Variants in GRM1 observed in about 807,000 individuals in gnomAD.
The protein encoded by GRM1 is glutamate metabotropic receptor 1, also known as metabotropic glutamate receptor 1.
GRM1 carries 33 observed loss-of-function variants against 90.9 expected under a neutral mutation model. That is an observed-to-expected ratio of 0.36 (90% CI 0.28 to 0.49). GRM1 has a LOEUF of 0.49. GRM1 is among the 20% of genes least tolerant of loss of function. GRM1 has a pLI of 0.99. For synonymous variants in GRM1, 700 were observed against 613.2 expected (o/e 1.14, Z -2.09); for missense variants, 1,190 against 1,534.3 (o/e 0.78, Z 3.75).
intron 2 of GRM1, among the ~76,000 whole-genome samples, chr6:146,172,466 A>T (rs1399277946): frequency 6.6e-6 from 1 of 152,210 alleles, no homozygotes; most frequent in African/African-American, 2.4e-5. Context: ...CAGAGATTTG[A>T]GCATGGACAT....
At chr6:146,422,481 C>A (rs113699077) in intron 7 of GRM1, among the ~76,000 whole-genome samples, 57 of 152,218 alleles carry the variant, frequency 3.7e-4, no homozygotes, top group African/African-American at 1.4e-3. Context: ...GTATTAATAG[C>A]AATGGCTTAT....
chr6:146,149,999 C>T (rs373310583), intron 1 of GRM1, among the ~76,000 whole-genome samples: 1 of 152,146 alleles, frequency 6.6e-6, no homozygotes, highest in African/African-American at 2.4e-5. Context: ...TGACCAGACC[C>T]ATCATGCTGA....
intron 3 of GRM1, among the ~76,000 whole-genome samples, chr6:146,313,503 G>A (rs1399959985): frequency 2.6e-5 from 4 of 152,022 alleles, no homozygotes; most frequent in Non-Finnish European, 4.4e-5. Context: ...TTCCCATGTC[G>A]TCTAAAAGTG....
chr6:146,117,302 T>C (rs1775788582), intron 1 of GRM1, among the ~76,000 whole-genome samples: 1 of 151,866 alleles, frequency 6.6e-6, no homozygotes, highest in South Asian at 2.1e-4. Flanking sequence ...TAATTCTTTT[T>C]GCTCTAAACA....
intron 2 of GRM1, among the ~76,000 whole-genome samples, chr6:146,228,784 T>C (rs1214493691): frequency 2.6e-5 from 4 of 152,192 alleles, no homozygotes; most frequent in Admixed American, 6.5e-5. Context: ...GAACTATTGA[T>C]TCCTGTAGCT....
intron 7 of GRM1, among the ~76,000 whole-genome samples, chr6:146,401,006 G>C (rs539907354): frequency 6.6e-6 from 1 of 151,790 alleles, no homozygotes; most frequent in South Asian, 2.1e-4. Context: ...TCTTTATTTA[G>C]ATCTTAAATG....
intron 7 of GRM1, among the ~76,000 whole-genome samples, chr6:146,428,871 A>G (rs897019290): frequency 6.6e-6 from 1 of 152,184 alleles, no homozygotes; most frequent in African/African-American, 2.4e-5. Context: ...AAATTGGGTA[A>G]TGTTCTCAGG....
intron 2 of GRM1, among the ~76,000 whole-genome samples, chr6:146,242,202 G>A (rs1484190159): frequency 6.6e-6 from 1 of 152,104 alleles, no homozygotes; most frequent in African/African-American, 2.4e-5. Flanking sequence ...TGACTACCAT[G>A]TGTCTAGAGC....
intron 2 of GRM1, among the ~76,000 whole-genome samples, chr6:146,196,770 A>C (rs1779138373): frequency 6.6e-6 from 1 of 152,176 alleles, no homozygotes; most frequent in Non-Finnish European, 1.5e-5. Flanking sequence ...CAGGTGAATC[A>C]GATGCACAGG....
chr6:146,028,624 A>T (rs1234323694), upstream of GRM1, among the ~76,000 whole-genome samples: 1 of 152,158 alleles, frequency 6.6e-6, no homozygotes, highest in Non-Finnish European at 1.5e-5. Context: ...AAACTCCTCC[A>T]TACGGAGACT....
chr6:146,037,119 C>T (rs892274478), intron 1 of GRM1, among the ~76,000 whole-genome samples: 6 of 151,900 alleles, frequency 3.9e-5, no homozygotes, highest in Admixed American at 2.6e-4. Context: ...ATATTCCTCA[C>T]AGCAGCTTTT....
At chr6:146,331,754 C>T (rs978822973) in intron 3 of GRM1, among the ~76,000 whole-genome samples, 1 of 151,988 alleles carries the variant, frequency 6.6e-6, no homozygotes, top group Admixed American at 6.6e-5. Context: ...CTAGTTTGTC[C>T]TGTTTTCCTT....
chr6:146,108,167 A>G (rs1041271736), intron 1 of GRM1, among the ~76,000 whole-genome samples: 2 of 152,222 alleles, frequency 1.3e-5, no homozygotes, highest in African/African-American at 2.4e-5. Context: ...CCTAGCTGAT[A>G]AATAGATATG....
At chr6:146,173,023 G>T (rs1778195019) in intron 2 of GRM1, among the ~76,000 whole-genome samples, 2 of 152,128 alleles carry the variant, frequency 1.3e-5, no homozygotes, top group African/African-American at 4.8e-5. Flanking sequence ...CTGGGTAAAA[G>T]TCTGGATGGA....
chr6:146,381,094 G>A (rs1418154068), intron 5 of GRM1, among the ~76,000 whole-genome samples: 3 of 152,164 alleles, frequency 2.0e-5, no homozygotes, highest in Non-Finnish European at 4.4e-5. Context: ...GGTTAGGGGA[G>A]GTGTGATGCC....
chr6:146,410,672 CAAG>C (rs140960707), intron 7 of GRM1, among the ~76,000 whole-genome samples: 1,935 of 151,964 alleles, frequency 0.013, 45 homozygotes, highest in African/African-American at 0.045. Context: ...TTAGCTAGAC[CAAG>C]AAGGAGATTA....
intron 2 of GRM1, among the ~76,000 whole-genome samples, chr6:146,181,341 A>T (rs1207463808): frequency 6.6e-6 from 1 of 152,188 alleles, no homozygotes; most frequent in Admixed American, 6.5e-5. Context: ...AGTCTTTGTG[A>T]TAACTTCAGT....
At chr6:146,325,345 T>C (rs980105365) in intron 3 of GRM1, among the ~76,000 whole-genome samples, 2 of 152,206 alleles carry the variant, frequency 1.3e-5, no homozygotes, top group East Asian at 3.9e-4. Flanking sequence ...GATGAGCAGT[T>C]GTAGAATTTC....
intron 7 of GRM1, among the ~76,000 whole-genome samples, chr6:146,416,342 T>C (rs1777782703): frequency 6.6e-6 from 1 of 152,128 alleles, no homozygotes; most frequent in Non-Finnish European, 1.5e-5. Flanking sequence ...TCACTAGTAT[T>C]TTAATATTCA....
Sources: gnomAD v4.1 joint callset for allele counts (sites outside exome capture counted in the v4.1 genomes callset) on GRCh38, gnomAD v4.1.1 for gene constraint, MANE v1.5 for transcripts, NCBI Gene and HGNC (gene_info 2026-07-23, HGNC 2026-07-21) for gene names.